Variants in MGAT4C observed in about 807,000 individuals in gnomAD.
MGAT4C encodes the protein alpha-1,3-mannosyl-glycoprotein 4-beta-N-acetylglucosaminyltransferase C.
MGAT4C carries 19 observed loss-of-function variants against 40.1 expected under a neutral mutation model. That is an observed-to-expected ratio of 0.47 (90% confidence interval 0.33 to 0.70). The LOEUF is 0.70. MGAT4C is among the 30% of genes least tolerant of loss of function. The probability of loss-of-function intolerance (pLI) is 0.02; values close to 1 mark genes in which losing one functional copy is unlikely to be tolerated. For missense variants in MGAT4C, 491 were observed against 563.2 expected, an observed-to-expected ratio of 0.87 and a Z score of 1.30; for synonymous variants, 181 against 187.1, an observed-to-expected ratio of 0.97 and a Z score of 0.27.
intron 2 of MGAT4C, among the ~76,000 whole-genome samples, chr12:86,633,345 G>A (rs1485940932): frequency 6.6e-6 from 1 of 151,800 alleles, no homozygotes; most frequent in Non-Finnish European, 1.5e-5. Flanking sequence ...TGTCATTTAG[G>A]TATCAAAGGT....
At chr12:86,264,147 G>C (rs1483438428) in intron 4 of MGAT4C, among the ~76,000 whole-genome samples, 5 of 152,114 alleles carry the variant, frequency 3.3e-5, no homozygotes, top group Non-Finnish European at 5.9e-5. Context: ...AGCTCTCTCT[G>C]TTGATTGTTT....
At chr12:86,758,320 T>A (rs1215345920) in intron 1 of MGAT4C, among the ~76,000 whole-genome samples, 2 of 150,874 alleles carry the variant, frequency 1.3e-5, no homozygotes, top group Admixed American at 6.6e-5. Flanking sequence ...GGAATTTTGA[T>A]AAGCTGCAAA....
chr12:86,402,101 T>C (rs1025465242), intron 3 of MGAT4C, among the ~76,000 whole-genome samples: 2 of 151,966 alleles, frequency 1.3e-5, no homozygotes, highest in African/African-American at 4.8e-5. Context: ...ATACTTTAAT[T>C]TGGTGTCGTC....
chr12:86,265,345 C>A (rs1410092496), intron 4 of MGAT4C, among the ~76,000 whole-genome samples: 2 of 152,208 alleles, frequency 1.3e-5, no homozygotes, highest in Non-Finnish European at 2.9e-5. Flanking sequence ...AAACAACACC[C>A]CAAGGATCCT....
intron 1 of MGAT4C, among the ~76,000 whole-genome samples, chr12:86,141,563 G>T (rs761399004): frequency 9.2e-5 from 14 of 152,048 alleles, no homozygotes; most frequent in Non-Finnish European, 1.9e-4. Flanking sequence ...CCTTACTATT[G>T]TATGGGCCAG....
At chr12:86,269,338 C>A (rs764952425) in intron 4 of MGAT4C, among the ~76,000 whole-genome samples, 37 of 150,782 alleles carry the variant, frequency 2.5e-4, no homozygotes, top group Non-Finnish European at 5.0e-4. Context: ...TACTTATTTC[C>A]AAGAAATATT....
At chr12:86,472,738 C>A (rs2136305195) in intron 2 of MGAT4C, among the ~76,000 whole-genome samples, 1 of 152,128 alleles carries the variant, frequency 6.6e-6, no homozygotes, top group South Asian at 2.1e-4. Flanking sequence ...GTATTAGAAG[C>A]AGTTTTGAGT....
rs918486990 is a variant in MGAT4C at position 86,639,537 on chromosome 12, A to G, written c.-229+87672T>C. 3.3e-5 allele frequency among the ~76,000 whole-genome samples: 5 copies of G among 151,898 alleles called. 1 individual carries two copies. The highest frequency in any genetic ancestry group is 9.6e-5 in the African/African-American group (4 of 41,530). ...AATACAAATGGAGGCAGCCAGAACC[A>G]TAAGAAAAAATACATTTATTTGATT... On this transcript the variant is annotated intron_variant, in intron 2 of 7. Transcript: ENST00000548651.
intron 1 of MGAT4C, among the ~76,000 whole-genome samples, chr12:86,210,129 C>T (rs1950403811): frequency 6.6e-6 from 1 of 152,180 alleles, no homozygotes; most frequent in Admixed American, 6.5e-5. Flanking sequence ...AATTTCAGAA[C>T]ATGCTTTTTG....
At chr12:86,302,503 A>G (rs1179208486) in intron 4 of MGAT4C, among the ~76,000 whole-genome samples, 2 of 150,506 alleles carry the variant, frequency 1.3e-5, no homozygotes, top group Non-Finnish European at 1.5e-5. Context: ...ATGTGGGCGC[A>G]CTGCAACCTC....
chr12:86,528,402 A>G (rs1233356269), intron 2 of MGAT4C, among the ~76,000 whole-genome samples: 1 of 152,062 alleles, frequency 6.6e-6, no homozygotes, highest in East Asian at 1.9e-4. Context: ...CATATAAGTT[A>G]TATTTGCTTT....
At chr12:86,424,729 A>C (rs5022626) in intron 3 of MGAT4C, among the ~76,000 whole-genome samples, 1 of 152,062 alleles carries the variant, frequency 6.6e-6, no homozygotes, top group Admixed American at 6.6e-5. Flanking sequence ...TTCTTATAAC[A>C]ATCTAATAAA....
chr12:86,203,328 G>A, intron 1 of MGAT4C, among the ~76,000 whole-genome samples: 1 of 152,112 alleles, frequency 6.6e-6, no homozygotes, highest in East Asian at 1.9e-4. Context: ...GAACTCTAAT[G>A]GCTCCAGTAC....
intron 3 of MGAT4C, among the ~76,000 whole-genome samples, chr12:86,399,136 A>T (rs1461384345): frequency 1.3e-5 from 2 of 150,590 alleles, no homozygotes; most frequent in South Asian, 4.2e-4. Context: ...GTGCCCGGCT[A>T]ATTTTTTGTA....
chr12:86,558,704 A>C (rs1959727449), intron 2 of MGAT4C, among the ~76,000 whole-genome samples: 1 of 152,066 alleles, frequency 6.6e-6, no homozygotes. Context: ...AACACATGGA[A>C]GTGTAAAACT....
intron 2 of MGAT4C, among the ~76,000 whole-genome samples, chr12:86,613,747 T>C (rs1376948273): frequency 6.6e-6 from 1 of 152,202 alleles, no homozygotes; most frequent in Non-Finnish European, 1.5e-5. Flanking sequence ...TTATATATTT[T>C]AGGTTCAATA....
chr12:86,749,466 A>AT (rs1951202451), intron 1 of MGAT4C, among the ~76,000 whole-genome samples: 1 of 151,642 alleles, frequency 6.6e-6, no homozygotes. Flanking sequence ...CTTTGATATG[A>AT]TTTTTCCTTT....
At chr12:86,081,104 C>T (rs1870757788) in intron 1 of MGAT4C, among the ~76,000 whole-genome samples, 1 of 152,032 alleles carries the variant, frequency 6.6e-6, no homozygotes, top group Non-Finnish European at 1.5e-5. Context: ...TGCATTTTAA[C>T]ATAGTTTTAG....
intron 2 of MGAT4C, among the ~76,000 whole-genome samples, chr12:86,603,614 ATATT>A (rs1406641852): frequency 1.6e-5 from 2 of 125,026 alleles, no homozygotes; most frequent in African/African-American, 6.2e-5. Context: ...TAGATAATAT[ATATT>A]ATATAGTCTA....
Sources: allele counts gnomAD v4.1 joint callset (sites outside exome capture counted in the v4.1 genomes callset), GRCh38; gene constraint gnomAD v4.1.1; transcripts MANE v1.5; gene names NCBI Gene and HGNC (gene_info 2026-07-23, HGNC 2026-07-21).